Variants in ADAMTSL1 observed in about 807,000 individuals in gnomAD.
ADAMTSL1 encodes ADAMTS-like protein 1.
ADAMTSL1 carries 126 observed loss-of-function variants against 201.8 expected under a neutral mutation model. That is an observed-to-expected ratio of 0.62 (90% confidence interval 0.54 to 0.72). The LOEUF is 0.72. Among genes scored for constraint, ADAMTSL1 ranks in the 30% least tolerant of loss-of-function variants. The pLI is 0.00. For missense variants in ADAMTSL1, 2,679 were observed against 2,277.8 expected, an observed-to-expected ratio of 1.18 and a Z score of -3.59; for synonymous variants, 1,121 against 903.4, an observed-to-expected ratio of 1.24 and a Z score of -4.32.
chr9:18,312,658 G>C (rs889071913), intron 2 of ADAMTSL1, among the ~76,000 whole-genome samples: 27 of 152,178 alleles, frequency 1.8e-4, no homozygotes, highest in African/African-American at 6.0e-4. Context: ...AAATGTGTAA[G>C]CTGGGAACCA....
At chr9:18,461,486 A>G (rs919497475) in intron 2 of ADAMTSL1, among the ~76,000 whole-genome samples, 1 of 152,226 alleles carries the variant, frequency 6.6e-6, no homozygotes, top group Non-Finnish European at 1.5e-5. Flanking sequence ...TATGGTTCTT[A>G]TATTATGGTT....
chr9:18,062,552 C>T (rs1019045208), intron 1 of ADAMTSL1, among the ~76,000 whole-genome samples: 1 of 151,932 alleles, frequency 6.6e-6, no homozygotes, highest in African/African-American at 2.4e-5. Flanking sequence ...AGACATCTAC[C>T]TTTAACTGTA....
At chr9:18,035,470 G>A (rs1162455145) in intron 1 of ADAMTSL1, among the ~76,000 whole-genome samples, 1 of 152,134 alleles carries the variant, frequency 6.6e-6, no homozygotes, top group African/African-American at 2.4e-5. Context: ...TTATCCCAGG[G>A]AAAGCAGTCC....
chr9:18,447,353 C>T (rs761109540), intron 2 of ADAMTSL1, among the ~76,000 whole-genome samples: 1 of 152,112 alleles, frequency 6.6e-6, no homozygotes, highest in Non-Finnish European at 1.5e-5. Flanking sequence ...TGGTTTGGTG[C>T]TTGCTTTATT....
In ADAMTSL1 at chr9:18,843,221, G is replaced by A. The variant is rs544068892; in HGVS notation, c.4249+13244G>A. 4.0e-3 allele frequency among the ~76,000 whole-genome samples: 600 copies of A among 150,802 alleles called. 49 individuals carry two copies. The highest frequency in any genetic ancestry group is 0.014 in the African/African-American group (548 of 40,194). On this transcript the variant is annotated intron_variant, in intron 23 of 28. Coordinates refer to ENST00000380548, the MANE Select transcript of ADAMTSL1 (RefSeq NM_001040272.6). ...TGCTTCCTTCAGGAGCTCTTTTAGG[G>A]CAGGCCTGGTGGTGACAAAATCTCT...
At chr9:18,154,811 G>C (rs1478197817) in intron 1 of ADAMTSL1, among the ~76,000 whole-genome samples, 2 of 152,050 alleles carry the variant, frequency 1.3e-5, no homozygotes, top group Non-Finnish European at 2.9e-5. Context: ...ATTGAAGAAT[G>C]CTTGCTATGC....
intron 23 of ADAMTSL1, among the ~76,000 whole-genome samples, chr9:18,861,624 G>A (rs976300280): frequency 6.6e-6 from 1 of 152,232 alleles, no homozygotes. Flanking sequence ...CTGCCCTTCA[G>A]ATGCCCATCA....
intron 23 of ADAMTSL1, among the ~76,000 whole-genome samples, chr9:18,858,150 C>T (rs929637235): frequency 1.3e-5 from 2 of 151,298 alleles, no homozygotes; most frequent in South Asian, 4.2e-4. Flanking sequence ...TGAGTCCTCC[C>T]TTGTATGTCC....
At chr9:17,984,747 G>C (rs920413370) in intron 1 of ADAMTSL1, among the ~76,000 whole-genome samples, 1 of 151,988 alleles carries the variant, frequency 6.6e-6, no homozygotes, top group Non-Finnish European at 1.5e-5. Context: ...TGGCATCCAG[G>C]CATTTTCCGA....
chr9:18,035,455 A>C, intron 1 of ADAMTSL1, among the ~76,000 whole-genome samples: 1 of 152,194 alleles, frequency 6.6e-6, no homozygotes, highest in East Asian at 1.9e-4. Flanking sequence ...GGGTAATAGC[A>C]TCAGTTATCC....
intron 1 of ADAMTSL1, among the ~76,000 whole-genome samples, chr9:17,976,846 C>A (rs1467934121): frequency 1.3e-5 from 2 of 151,456 alleles, no homozygotes. Flanking sequence ...TGCCTAGTTG[C>A]TCGGGCTATG....
intron 2 of ADAMTSL1, among the ~76,000 whole-genome samples, chr9:18,188,878 T>G (rs1283356416): frequency 6.6e-6 from 1 of 152,212 alleles, no homozygotes; most frequent in Non-Finnish European, 1.5e-5. Flanking sequence ...GGCATCGTTT[T>G]TCATTCGCTA....
intron 1 of ADAMTSL1, among the ~76,000 whole-genome samples, chr9:17,985,830 G>A (rs1035813992): frequency 2.6e-5 from 4 of 152,084 alleles, no homozygotes; most frequent in Admixed American, 2.6e-4. Flanking sequence ...GTTTTTGTTA[G>A]TATGAATTGT....
intron 15 of ADAMTSL1, among the ~76,000 whole-genome samples, chr9:18,738,761 A>G (rs1564194380): frequency 6.6e-6 from 1 of 152,250 alleles, no homozygotes; most frequent in Non-Finnish European, 1.5e-5. Context: ...AGCAAAATTA[A>G]ATAGAAAAAT....
intron 3 of ADAMTSL1, among the ~76,000 whole-genome samples, chr9:18,562,556 G>A (rs1774428282): frequency 6.6e-6 from 1 of 152,280 alleles, no homozygotes; most frequent in South Asian, 2.1e-4. Flanking sequence ...GAATTTGAAT[G>A]TTGGCCTGTC....
At chr9:17,972,951 A>G (rs1009875670) in intron 1 of ADAMTSL1, among the ~76,000 whole-genome samples, 28 of 150,086 alleles carry the variant, frequency 1.9e-4, no homozygotes, top group Non-Finnish European at 3.8e-4. Flanking sequence ...TTTTGGCTGC[A>G]TAAATGTCTT....
intron 3 of ADAMTSL1, among the ~76,000 whole-genome samples, chr9:18,553,977 A>G (rs1820949465): frequency 6.6e-6 from 1 of 151,840 alleles, no homozygotes. Context: ...TATTTTCTCT[A>G]TGTAATTCAC....
chr9:18,306,711 C>T (rs555935808), intron 2 of ADAMTSL1, among the ~76,000 whole-genome samples: 11 of 152,210 alleles, frequency 7.2e-5, no homozygotes, highest in South Asian at 2.1e-4. Context: ...ACCAAATCTA[C>T]GTTTGATTGG....
intron 23 of ADAMTSL1, among the ~76,000 whole-genome samples, chr9:18,886,211 T>TACACACACACAC (rs33989297): frequency 9.4e-6 from 1 of 105,900 alleles, no homozygotes; most frequent in Admixed American, 9.6e-5. Flanking sequence ...TATATATATA[T>TACACACACACAC]ACACACACAT....
Sources: allele counts gnomAD v4.1 joint callset (sites outside exome capture counted in the v4.1 genomes callset), GRCh38; gene constraint gnomAD v4.1.1; transcripts MANE v1.5; gene names NCBI Gene and HGNC (gene_info 2026-07-23, HGNC 2026-07-21).